Variants in CCDC88A observed in about 807,000 individuals in gnomAD.
The protein encoded by CCDC88A is girdin.
A neutral mutation model predicts 234.3 loss-of-function variants in CCDC88A; 54 were observed. The ratio of observed to expected loss-of-function variants is 0.23; its 90% CI spans 0.19 to 0.29. The LOEUF is 0.29. Among genes scored for constraint, CCDC88A ranks in the 10% least tolerant of loss-of-function variants. The pLI, the probability that CCDC88A is intolerant of heterozygous loss-of-function variation, is 1.00. For missense variants in CCDC88A, 1,832 were observed against 2,123.4 expected, an observed-to-expected ratio of 0.86 and a Z score of 2.70; for synonymous variants, 753 against 737.8, an observed-to-expected ratio of 1.02 and a Z score of -0.33.
At chr2:55,337,059 A>T (rs778297976) in intron 13 of CCDC88A, 11 of 331,152 alleles carry the variant, frequency 3.3e-5, no homozygotes, top group Non-Finnish European at 5.4e-5. Flanking sequence ...CTTTCTAAAC[A>T]CAAAGACAAA....
intron 10 of CCDC88A, chr2:55,345,265 A>G (rs1668957572): frequency 6.6e-6 from 1 of 152,132 alleles, no homozygotes; most frequent in African/African-American, 2.4e-5. Flanking sequence ...AAAATGTTCT[A>G]ACTACTTTCT....
intron 8 of CCDC88A, among the ~76,000 whole-genome samples, chr2:55,353,988 T>C (rs1303606539): frequency 2.0e-5 from 3 of 152,190 alleles, no homozygotes; most frequent in African/African-American, 4.8e-5. Context: ...CTAGGCTATA[T>C]GGTATAGCCT....
rs1574011864 is a variant in CCDC88A, at chr2:55,301,246, T to C, written c.4704A>G (p.Gln1568=). ...DTTSFEDISP[Q]GVSDDSSTGS... is the part of the protein sequence containing the mutation. The stretch of plus-strand genomic sequence containing the variant: ...CCGTACTAGAATCATCACTAACACC[T>C]TGTGGACTTATGTCTTCAAAGGATG... The change falls in exon 28 of 33, where the codon CAA becomes CAG. Residue 1568 remains glutamine, a synonymous_variant. Coordinates refer to ENST00000436346, the MANE Select transcript of CCDC88A (RefSeq NM_001365480.1). The C allele has an allele frequency of 6.3e-7, 1 of 1,596,716 alleles. No individual in the cohort carries two copies. The highest frequency in any genetic ancestry group is 1.1e-5 in the South Asian group (1 of 89,206).
chr2:55,407,234 C>A (rs1388731403), intron 2 of CCDC88A, among the ~76,000 whole-genome samples: 1 of 151,318 alleles, frequency 6.6e-6, no homozygotes. Context: ...AAAGAATATA[C>A]TGTCTAAAAA....
chr2:55,392,103 AC>A (rs1212195072), intron 2 of CCDC88A, among the ~76,000 whole-genome samples: 1 of 152,222 alleles, frequency 6.6e-6, no homozygotes, highest in African/African-American at 2.4e-5. Context: ...CAGGAAAAAC[AC>A]AGAACAGATG....
chr2:55,296,478 C>T lies in CCDC88A; in HGVS notation c.4871G>A (p.Gly1624Glu), dbSNP rs2104551713. ...ATGGTCATGAAGCAGGCTAAATTCTCCACTGCTGTGGCTTTGTGGCCTGCT... is the reference window on the plus strand; with the variant it reads ...ATGGTCATGAAGCAGGCTAAATTCTTCACTGCTGTGGCTTTGTGGCCTGCT... Reference protein sequence around the residue: ...NQSRPQSHSSGEFSLLHDHEA... With the variant: ...NQSRPQSHSSEEFSLLHDHEA... Residue 1624 changes from glycine (G) to glutamate (E), a missense_variant, in exon 30 of 33, where the codon GGA becomes GAA. Physicochemically the swap from Gly to Glu is moderately conservative, Grantham distance 98. Transcript: ENST00000436346. 1.2e-6 allele frequency: 2 copies of T among 1,614,206 alleles called. No homozygotes were observed. Among genetic ancestry groups the T allele is most frequent in the Non-Finnish European group, 1.7e-6 (2 of 1,180,032 alleles).
Position 55,334,280 on chromosome 2 carries a change from A to C in CCDC88A, c.2541T>G (p.Ile847Met). The C allele has an allele frequency of 6.9e-7, 1 of 1,452,772 alleles. No individual in the cohort carries two copies. The highest frequency in any genetic ancestry group is 9.0e-7 in the Non-Finnish European group (1 of 1,105,884). The allele number at this position is 1,452,772 out of a possible 1,614,324, so 90.0% of individuals were successfully genotyped here. ...ENKRLRQQAEIKDTTLEENNV... is the reference protein window; with the variant it reads ...ENKRLRQQAEMKDTTLEENNV... Reference sequence around the variant, plus strand: ...TATTTTCTTCTAATGTGGTATCTTTAATTTCTGCTTGTTGTCGGAGTCTCT... The same window carrying C: ...TATTTTCTTCTAATGTGGTATCTTTCATTTCTGCTTGTTGTCGGAGTCTCT... The change falls in exon 15 of 33, where the codon ATT (isoleucine) becomes ATG (methionine). Residue 847 changes from isoleucine (I) to methionine (M), a missense_variant. Ile to Met is a conservative substitution (Grantham distance 10). Coordinates refer to ENST00000436346, the MANE Select transcript of CCDC88A (RefSeq NM_001365480.1). This position sits in a 1 kb window ranked among gnomAD's most constrained non-coding sequence, Gnocchi z 6.1.
At position 55,296,318 on chromosome 2, in the gene CCDC88A, T is replaced by A; in HGVS notation, c.5031A>T (p.Gly1677=). 6.2e-7 allele frequency: 1 copy of A among 1,614,198 alleles called. No individual in the cohort carries two copies. The highest frequency in any genetic ancestry group is 2.2e-5 in the East Asian group (1 of 44,888). The change falls in exon 30 of 33, where the codon GGA becomes GGT. Residue 1677 remains glycine, a synonymous_variant. Coordinates refer to ENST00000436346, the MANE Select transcript of CCDC88A (RefSeq NM_001365480.1). Reference sequence around the variant, plus strand: ...ACTGTTGTAGAGTAACAACTTCACTTCCAGGGGAACCAGTTTTGATCTTGT... The same window carrying A: ...ACTGTTGTAGAGTAACAACTTCACTACCAGGGGAACCAGTTTTGATCTTGT... ...RHHKIKTGSP[G]SEVVTLQQFL... is the part of the protein sequence containing the mutation.
intron 31 of CCDC88A, chr2:55,294,466 A>G (rs1057189340): frequency 1.2e-6 from 1 of 862,736 alleles, no homozygotes; most frequent in African/African-American, 1.8e-5. Context: ...GTATTAGTTA[A>G]TATTTGTTAT....
chr2:55,354,886 C>T (rs952799985), intron 8 of CCDC88A, among the ~76,000 whole-genome samples: 7 of 151,480 alleles, frequency 4.6e-5, no homozygotes, highest in African/African-American at 1.7e-4. Flanking sequence ...ACTCTATAAG[C>T]ATTTTTCTTT....
At chr2:55,387,779 C>CAAAAAAAAAAAAAAAAAAAAAA (rs66479611) in intron 3 of CCDC88A, among the ~76,000 whole-genome samples, 1 of 64,852 alleles carries the variant, frequency 1.5e-5, no homozygotes, top group Non-Finnish European at 3.0e-5. Flanking sequence ...GGCTCCATCT[C>CAAAAAAAAAAAAAAAAAAAAAA]AAAAAAAAAA....
chr2:55,332,454 G>C lies in CCDC88A; in HGVS notation c.2855+112C>G. 1 of 1,422,450 alleles carries C rather than the reference G, an allele frequency of 7.0e-7. No individual in the cohort carries two copies. The highest frequency in any genetic ancestry group is 9.2e-7 in the Non-Finnish European group (1 of 1,090,808). The allele number at this position is 1,422,450 out of a possible 1,614,324, so 88.1% of individuals were successfully genotyped here. A position where few individuals can be genotyped will look rare whatever the true frequency, so the allele number is the denominator to read the frequency against. ...TTTCCTTAAGGGAAGGAAGGAACCA[G>C]AAATAGGGTGAAATATATAAATGTT... is the stretch of plus-strand genomic sequence containing the variant. On this transcript the variant is annotated intron_variant, in intron 16 of 32. Transcript: ENST00000436346. The surrounding 1 kb of genome is among the most constrained non-coding windows in gnomAD (Gnocchi z 4.5).
At chr2:55,306,979 G>A (rs186618995) in intron 25 of CCDC88A, among the ~76,000 whole-genome samples, 10 of 152,300 alleles carry the variant, frequency 6.6e-5, no homozygotes, top group African/African-American at 2.4e-4. Flanking sequence ...TGAGTGCTTT[G>A]AGAGTTGCCC....
chr2:55,308,912 A>C lies in CCDC88A; in HGVS notation c.4284T>G (p.Ser1428Arg), dbSNP rs1287030698. The C allele has an allele frequency of 6.2e-7, 1 of 1,614,004 alleles. No homozygotes were observed. ...GATGAGGGAGCTGAAGAAATCCTTC[A>C]CTGGAGTCTGAGCGGGTGGGTGTTA... ...LTLTPTRSDS[S>R]EGFLQLPHQD... The change falls in exon 25 of 33, where the codon AGT becomes AGG. Residue 1428 changes from serine to arginine, a missense_variant. Physicochemically the swap from Ser to Arg is moderately radical, Grantham distance 110. Transcript: ENST00000436346.
chr2:55,318,823 C>A lies in CCDC88A; in HGVS notation c.3324+20G>T, dbSNP rs1683271863. The A allele has an allele frequency of 1.9e-6, 3 of 1,541,996 alleles. No homozygotes were observed. Among genetic ancestry groups the A allele is most frequent in the African/African-American group, 1.4e-5 (1 of 73,924 alleles). On this transcript the variant is annotated intron_variant, in intron 19 of 32. Transcript: ENST00000436346. Reference sequence around the variant, plus strand: ...AATTCAAGAGTTTGGTTGCATATTCCCAAAATATTATATTACAACCTGAAG... The same window carrying A: ...AATTCAAGAGTTTGGTTGCATATTCACAAAATATTATATTACAACCTGAAG...
intron 5 of CCDC88A, among the ~76,000 whole-genome samples, chr2:55,366,336 G>GCCAACATGGTGACACCCTGT (rs1671941081): frequency 6.6e-6 from 1 of 151,990 alleles, no homozygotes; most frequent in Non-Finnish European, 1.5e-5. Flanking sequence ...GACCAGCCTG[G>GCCAACATGGTGACACCCTGT]CCAACATGGT....
chr2:55,304,528 T>C (rs909281077), intron 25 of CCDC88A, among the ~76,000 whole-genome samples: 1 of 151,980 alleles, frequency 6.6e-6, no homozygotes, highest in Non-Finnish European at 1.5e-5. Context: ...AAAAAGAGTA[T>C]TTTGATAGTA....
Position 55,322,684 on chromosome 2 carries a change from T to C in CCDC88A, c.3006A>G (p.Lys1002=). The change falls in exon 18 of 33, where the codon AAA becomes AAG. Residue 1002 remains lysine (K), a synonymous_variant. Transcript: ENST00000436346. ...QLRQELKTVK[K]NYEALKQRQD... Reference sequence around the variant, plus strand: ...GTCTCTGTTTGAGAGCTTCATAATTTTTTTTCACCTAAAATTTTATTTAAA... The same window carrying C: ...GTCTCTGTTTGAGAGCTTCATAATTCTTTTTCACCTAAAATTTTATTTAAA... 6.6e-7 allele frequency: 1 copy of C among 1,517,272 alleles called. No individual in the cohort carries two copies. Among genetic ancestry groups the C allele is most frequent in the Non-Finnish European group, 8.8e-7 (1 of 1,129,944 alleles). 94.0% of individuals were successfully genotyped at this position (1,517,272 alleles called of 1,614,324 possible).
rs1385774941 is a variant in CCDC88A, at chr2:55,297,340, T to TATATAA, written c.4826-818_4826-817insTTATAT. The stretch of plus-strand genomic sequence containing the variant: ...AATATATAATATATAATATATAAAT[T>TATATAA]TATATATTATATATAAATATATATA... On this transcript the variant is annotated intron_variant, in intron 29 of 32. Transcript: ENST00000436346. 5.2e-4 allele frequency among the ~76,000 whole-genome samples: 19 copies of TATATAA among 36,844 alleles called. No individual in the cohort carries two copies. In the East Asian group the frequency reaches 6.0e-3, roughly 12 times the overall value. 24.2% of individuals were successfully genotyped at this position (36,844 alleles called of 152,430 possible).
Sources: gnomAD v4.1 joint callset for allele counts (sites outside exome capture counted in the v4.1 genomes callset) on GRCh38, gnomAD v4.1.1 for gene constraint, Gnocchi (gnomAD v3.1) non-coding constraint, MANE v1.5 for transcripts, NCBI Gene and HGNC (gene_info 2026-07-23, HGNC 2026-07-21) for gene names.